Variants in ADAMTS12 observed in about 807,000 individuals in gnomAD.
ADAMTS12 encodes the protein ADAM metallopeptidase with thrombospondin type 1 motif 12.
In ADAMTS12, 118 loss-of-function variants were observed where a neutral mutation model predicts 167.8. That is an observed-to-expected ratio of 0.70 (90% CI 0.61 to 0.82). The LOEUF is 0.82. ADAMTS12 is among the 40% of genes least tolerant of loss of function. ADAMTS12 has a pLI of 0.00. For synonymous variants in ADAMTS12, 704 were observed against 716.9 expected (o/e 0.98, Z 0.29); for missense variants, 1,916 against 1,998.8 (o/e 0.96, Z 0.79).
intron 1 of ADAMTS12, 141 bp downstream of exon 1, chr5:33,891,589 C>T: frequency 7.8e-7 from 1 of 1,288,984 alleles, no homozygotes; most frequent in Admixed American, 2.3e-5. Context: ...CCTGAGGTCC[C>T]AGCCCAGATT....
intron 2 of ADAMTS12, among the ~76,000 whole-genome samples, chr5:33,839,228 T>A (rs1437656936): frequency 6.6e-6 from 1 of 152,194 alleles, no homozygotes; most frequent in Non-Finnish European, 1.5e-5. Context: ...TGTCTACAAA[T>A]AGGAGATGAT....
intron 2 of ADAMTS12, among the ~76,000 whole-genome samples, chr5:33,761,046 T>C (rs1035730415): frequency 6.6e-5 from 10 of 152,216 alleles, no homozygotes; most frequent in Admixed American, 5.9e-4. Flanking sequence ...AACATGTTAC[T>C]AGGGAGAACA....
rs555271627 is a variant in ADAMTS12 at position 33,872,043 on chromosome 5, T to C, written c.489+9076A>G. Among the ~76,000 whole-genome samples, 13 of 152,342 alleles carry C rather than the reference T, an allele frequency of 8.5e-5. No individual in the cohort carries two copies. The South Asian group carries it at 2.7e-3, about 32-fold the overall frequency. On this transcript the variant is annotated intron_variant, in intron 2 of 23. Coordinates refer to ENST00000504830, the MANE Select transcript of ADAMTS12 (RefSeq NM_030955.4). Reference sequence around the variant, plus strand: ...GGCAATGTAAATAGGTCTCTATCTATTTTAAAAATTGAATCAATAATTAAT... The same window carrying C: ...GGCAATGTAAATAGGTCTCTATCTACTTTAAAAATTGAATCAATAATTAAT...
chr5:33,554,212 G>A (rs867729213), intron 20 of ADAMTS12, among the ~76,000 whole-genome samples: 8 of 152,290 alleles, frequency 5.3e-5, no homozygotes, highest in Middle Eastern at 3.4e-3. Flanking sequence ...TAGTGTGGGG[G>A]GACATTTGAA....
chr5:33,622,649 C>T (rs1483513861), intron 14 of ADAMTS12, among the ~76,000 whole-genome samples: 1 of 152,032 alleles, frequency 6.6e-6, no homozygotes, highest in Non-Finnish European at 1.5e-5. Context: ...GAGACTCCGT[C>T]TCAAAAAAAC....
chr5:33,854,748 T>C (rs541042221), intron 2 of ADAMTS12, among the ~76,000 whole-genome samples: 6 of 152,292 alleles, frequency 3.9e-5, no homozygotes, highest in Admixed American at 3.9e-4. Flanking sequence ...TTTATGAGGC[T>C]GCAGCACAAA....
chr5:33,630,963 C>T (rs1309991597), intron 12 of ADAMTS12, 50 bp from the exon 13 acceptor site: 1 of 1,597,102 alleles, frequency 6.3e-7, no homozygotes. Context: ...TTTAGCTCAG[C>T]ATCCTCCCCC....
At chr5:33,748,690 G>C (rs987508544) in intron 3 of ADAMTS12, among the ~76,000 whole-genome samples, 3 of 152,108 alleles carry the variant, frequency 2.0e-5, no homozygotes, top group Admixed American at 6.6e-5. Flanking sequence ...CTCCATATAT[G>C]GTAAAGGTGA....
chr5:33,803,810 C>T (rs1424610159), intron 2 of ADAMTS12, among the ~76,000 whole-genome samples: 1 of 152,156 alleles, frequency 6.6e-6, no homozygotes, highest in Non-Finnish European at 1.5e-5. Flanking sequence ...TCTCATGAGA[C>T]TTATTCATTA....
chr5:33,640,606 A>C (rs930907301), intron 11 of ADAMTS12, among the ~76,000 whole-genome samples: 2 of 152,224 alleles, frequency 1.3e-5, no homozygotes, highest in African/African-American at 4.8e-5. Context: ...TGAAAGTCAC[A>C]GAAACCCAGT....
chr5:33,531,184 C>T (rs933327195), intron 23 of ADAMTS12, among the ~76,000 whole-genome samples: 10 of 152,168 alleles, frequency 6.6e-5, no homozygotes, highest in Non-Finnish European at 1.2e-4. Context: ...GGCCGGCAAC[C>T]GCCAGCAGCT....
chr5:33,610,117 G>T (rs886448488), intron 16 of ADAMTS12, among the ~76,000 whole-genome samples: 1 of 152,180 alleles, frequency 6.6e-6, no homozygotes, highest in Non-Finnish European at 1.5e-5. Flanking sequence ...GGAGGTGGAG[G>T]TTGCGGTGAG....
chr5:33,821,755 A>C (rs1049213767), intron 2 of ADAMTS12, among the ~76,000 whole-genome samples: 4 of 152,220 alleles, frequency 2.6e-5, no homozygotes, highest in African/African-American at 9.6e-5. Context: ...AAATACATGA[A>C]GCTACTTCCC....
chr5:33,574,911 C>G (rs1746608285), intron 19 of ADAMTS12, among the ~76,000 whole-genome samples: 1 of 152,096 alleles, frequency 6.6e-6, no homozygotes, highest in South Asian at 2.1e-4. Context: ...ATGATTTGAA[C>G]ATGTGATTAC....
intron 2 of ADAMTS12, among the ~76,000 whole-genome samples, chr5:33,760,628 A>G (rs1338596656): frequency 6.6e-6 from 1 of 152,216 alleles, no homozygotes; most frequent in African/African-American, 2.4e-5. Context: ...GGATAAACCA[A>G]CGAAATCCAG....
intron 2 of ADAMTS12, among the ~76,000 whole-genome samples, chr5:33,839,986 T>A (rs1159529320): frequency 6.6e-6 from 1 of 152,200 alleles, no homozygotes; most frequent in African/African-American, 2.4e-5. Context: ...TCAAATTTAT[T>A]CCTCTAAATG....
chr5:33,794,052 A>C (rs907561939), intron 2 of ADAMTS12, among the ~76,000 whole-genome samples: 1 of 151,990 alleles, frequency 6.6e-6, no homozygotes, highest in Non-Finnish European at 1.5e-5. Flanking sequence ...TGTGGTGCCC[A>C]GCGGGAATGG....
chr5:33,550,986 C>G (rs756863668), intron 20 of ADAMTS12, among the ~76,000 whole-genome samples: 5 of 152,148 alleles, frequency 3.3e-5, no homozygotes, highest in Admixed American at 2.0e-4. Flanking sequence ...CCTCTGAATC[C>G]TTCCATCAAT....
chr5:33,539,742 A>T (rs1744592108), intron 22 of ADAMTS12, among the ~76,000 whole-genome samples: 1 of 152,324 alleles, frequency 6.6e-6, no homozygotes, highest in South Asian at 2.1e-4. Flanking sequence ...TTGTAATCAA[A>T]AGAAAATGCA....
Sources: gnomAD v4.1 joint callset for allele counts (sites outside exome capture counted in the v4.1 genomes callset) on GRCh38, gnomAD v4.1.1 for gene constraint, MANE v1.5 for transcripts, NCBI Gene and HGNC (gene_info 2026-07-23, HGNC 2026-07-21) for gene names.